The following MYH16 variants were observed in gnomAD, a reference collection of about 807,000 sequenced individuals.
MYH16 encodes the protein myosin heavy chain 16, also known as putative uncharacterized protein MYH16.
At chr7:99,275,274 A>G (rs963801831) in intron 20 of MYH16, among the ~76,000 whole-genome samples, 1 of 152,094 alleles carries the variant, frequency 6.6e-6, no homozygotes, top group African/African-American at 2.4e-5. Flanking sequence ...CTGAGATTAC[A>G]GGTACACAGC....
chr7:99,276,661 A>G (rs1792115650), intron 20 of MYH16, among the ~76,000 whole-genome samples: 1 of 152,232 alleles, frequency 6.6e-6, no homozygotes, highest in Non-Finnish European at 1.5e-5. Context: ...GGCACTGGCC[A>G]TGGTGGGAAG....
exon 29 of MYH16, chr7:99,287,906 C>T: frequency 2.2e-6 from 1 of 455,690 alleles, no homozygotes. Context: ...AGCAGAACCG[C>T]AAGCGGGAGG....
intron 31 of MYH16, 118 bp from the exon 13 acceptor site, chr7:99,292,194 T>C (rs911316379): frequency 2.2e-4 from 79 of 352,530 alleles, no homozygotes; most frequent in Non-Finnish European, 3.9e-4. Flanking sequence ...TGTGGGATCA[T>C]GTTTCTTTTC....
At chr7:99,264,415 T>C (rs1791968806) in intron 15 of MYH16, 1 of 152,634 alleles carries the variant, frequency 6.6e-6, no homozygotes, top group Non-Finnish European at 1.5e-5. Flanking sequence ...ATCGCCTCTT[T>C]ACCTGGAGGG....
intron 5 of MYH16, among the ~76,000 whole-genome samples, chr7:99,250,520 C>T (rs1791797305): frequency 1.3e-5 from 2 of 152,208 alleles, no homozygotes; most frequent in East Asian, 3.9e-4. Flanking sequence ...GTGGGAGGGT[C>T]GCTTGAGTCC....
exon 41 of MYH16, chr7:99,305,988 GA>G (rs1562788942): frequency 6.5e-6 from 1 of 152,714 alleles, no homozygotes; most frequent in African/African-American, 2.4e-5. Flanking sequence ...CGCTGGTGGA[GA>G]AGCTTCAGAA....
At chr7:99,306,632 G>A (rs1792686098) in exon 42 of MYH16, 1 of 152,694 alleles carries the variant, frequency 6.5e-6, no homozygotes, top group Non-Finnish European at 1.5e-5. Context: ...ACCAGACCTT[G>A]GCTCGATACA....
chr7:99,289,448 A>G (rs1423402521), intron 30 of MYH16, 44 bp downstream of exon 11: 1 of 313,964 alleles, frequency 3.2e-6, no homozygotes. Context: ...CAGTGCATGG[A>G]AAGGAACTGG....
rs146834373 is a variant in MYH16 at position 99,251,573 on chromosome 7, T to C, written n.729+387T>C. On this transcript the variant is annotated intron_variant and non_coding_transcript_variant, in intron 6 of 41. Transcript: ENST00000439784. ...GGGTTCTGCAGAGACCCAGACAGGG[T>C]TAACTTTTTTTTGTTTTGATTTGTT... Among the ~76,000 whole-genome samples the C allele has an allele frequency of 7.9e-4, 120 of 152,262 alleles. 1 individual carries two copies. The highest frequency in any genetic ancestry group is 1.5e-3 in the Admixed American group (23 of 15,284).
intron 20 of MYH16, among the ~76,000 whole-genome samples, chr7:99,277,259 G>A (rs1185088820): frequency 6.6e-6 from 1 of 152,100 alleles, no homozygotes; most frequent in Non-Finnish European, 1.5e-5. Context: ...CCCAGATGCC[G>A]AGGACACCTA....
At chr7:99,286,246 T>C (rs934777177) in intron 27 of MYH16, among the ~76,000 whole-genome samples, 2 of 152,124 alleles carry the variant, frequency 1.3e-5, no homozygotes, top group African/African-American at 2.4e-5. Context: ...GTGAAACCCA[T>C]CTCTACAAAA....
chr7:99,296,718 TGC>T, exon 34 of MYH16: 1 of 455,964 alleles, frequency 2.2e-6, no homozygotes, highest in Admixed American at 2.3e-5. Flanking sequence ...CTGCAGCTGC[TGC>T]CCTGGACAAG....
At chr7:99,302,349 C>T (rs1238422556) in intron 38 of MYH16, among the ~76,000 whole-genome samples, 4 of 147,698 alleles carry the variant, frequency 2.7e-5, no homozygotes, top group African/African-American at 1.0e-4. Context: ...CACACACACA[C>T]ACACACACAC....
intron 20 of MYH16, among the ~76,000 whole-genome samples, chr7:99,276,881 G>C (rs1454302986): frequency 6.6e-6 from 1 of 152,060 alleles, no homozygotes; most frequent in African/African-American, 2.4e-5. Flanking sequence ...GCACAACAGA[G>C]AGACAGGCAG....
chr7:99,307,577 A>T (rs1210689865), downstream of MYH16, among the ~76,000 whole-genome samples: 1 of 152,024 alleles, frequency 6.6e-6, no homozygotes, highest in Non-Finnish European at 1.5e-5. Flanking sequence ...AAAAAAAATT[A>T]TCCAGGCATG....
chr7:99,272,629 C>A (rs1216332927), intron 19 of MYH16, among the ~76,000 whole-genome samples: 2 of 151,952 alleles, frequency 1.3e-5, no homozygotes, highest in Admixed American at 1.3e-4. Context: ...TGCCTGTAGT[C>A]CCAGCTACTT....
At position 99,297,874 on chromosome 7, in the gene MYH16, T is replaced by C. The variant is rs1406514232; in HGVS notation, n.4637-18T>C. 2.2e-6 allele frequency: 1 copy of C among 456,550 alleles called. No homozygotes were observed. Among genetic ancestry groups the C allele is most frequent in the African/African-American group, 2.0e-5 (1 of 50,046 alleles). 28.3% of individuals were successfully genotyped at this position (456,550 alleles called of 1,614,324 possible). A position where few individuals can be genotyped will look rare whatever the true frequency, so the allele number is the denominator to read the frequency against. ...ACATCTTCTTGGCCAGAAAGACTCA[T>C]GGTTATATTTCTGGTAGGTTGAAGA... On this transcript the variant is annotated intron_variant and non_coding_transcript_variant, in intron 35 of 41. Coordinates refer to ENST00000439784, the Ensembl canonical transcript of MYH16.
At chr7:99,304,932 T>C (rs1407276303) in intron 40 of MYH16, among the ~76,000 whole-genome samples, 176 bp downstream of exon 21, 1 of 152,124 alleles carries the variant, frequency 6.6e-6, no homozygotes, top group Non-Finnish European at 1.5e-5. Context: ...ACGCCCGTAA[T>C]CCTAATACTT....
intron 32 of MYH16, 28 bp downstream of exon 13, chr7:99,292,536 C>G (rs1462328826): frequency 1.3e-5 from 6 of 453,502 alleles, no homozygotes; most frequent in South Asian, 9.3e-5. Context: ...GTTGAGAGAG[C>G]CAGGTGGGCT....
Sources: allele counts gnomAD v4.1 joint callset (sites outside exome capture counted in the v4.1 genomes callset), GRCh38; gene constraint gnomAD v4.1.1; transcripts MANE v1.5; gene names NCBI Gene and HGNC (gene_info 2026-07-23, HGNC 2026-07-21).